ITPRID1: variants seen among roughly 807,000 people sequenced by gnomAD.
The protein encoded by ITPRID1 is protein ITPRID1.
Under a neutral mutation model 95.4 loss-of-function variants are expected in ITPRID1, and 96 were observed. The ratio of observed to expected loss-of-function variants is 1.01; its 90% confidence interval spans 0.85 to 1.19. ITPRID1 has a LOEUF of 1.19. Among genes scored for constraint, ITPRID1 ranks in the 50% most tolerant of loss-of-function variants. The pLI is 0.00. For synonymous variants in ITPRID1, 510 were observed against 453.6 expected (o/e 1.12, Z -1.58); for missense variants, 1,339 against 1,252.9 (o/e 1.07, Z -1.04).
chr7:31,653,062 A>G lies in ITPRID1; in HGVS notation c.*233A>G. The G allele has an allele frequency of 9.3e-7, 1 of 1,076,440 alleles. No homozygotes were observed. The highest frequency in any genetic ancestry group is 1.3e-6 in the Non-Finnish European group (1 of 794,152). The allele number at this position is 1,076,440 out of a possible 1,614,324, so 66.7% of individuals were successfully genotyped here. A position where few individuals can be genotyped will look rare whatever the true frequency, so the allele number is the denominator to read the frequency against. ...TGGCACAGAGTATGCAACAGTGACTAAATAGTATACGGTCTCTGCCCTGCT... is the reference window on the plus strand; with the variant it reads ...TGGCACAGAGTATGCAACAGTGACTGAATAGTATACGGTCTCTGCCCTGCT... On this transcript the variant is annotated 3_prime_UTR_variant, in exon 15 of 15. Transcript: ENST00000615280.
intron 10 of ITPRID1, among the ~76,000 whole-genome samples, chr7:31,618,039 G>C (rs377366280): frequency 6.6e-6 from 1 of 152,058 alleles, no homozygotes; most frequent in East Asian, 1.9e-4. Flanking sequence ...GGCATCCATG[G>C]GATCCTAAAG....
chr7:31,532,545 T>C (rs996692686), intron 1 of ITPRID1, among the ~76,000 whole-genome samples: 2 of 152,110 alleles, frequency 1.3e-5, no homozygotes, highest in African/African-American at 2.4e-5. Flanking sequence ...TTGTTAAGAG[T>C]TTTTGATCAT....
chr7:31,526,772 T>TTATC (rs1470549302), intron 1 of ITPRID1, among the ~76,000 whole-genome samples: 1 of 152,072 alleles, frequency 6.6e-6, no homozygotes, highest in Non-Finnish European at 1.5e-5. Context: ...AATAACTCAC[T>TTATC]TATCTACATT....
At chr7:31,606,339 A>G (rs559412207) in intron 10 of ITPRID1, among the ~76,000 whole-genome samples, 2 of 152,292 alleles carry the variant, frequency 1.3e-5, no homozygotes, top group South Asian at 4.1e-4. Context: ...TGTTTGTTCA[A>G]TGGGAGAATA....
downstream of ITPRID1, among the ~76,000 whole-genome samples, chr7:31,656,927 T>C (rs1347614463): frequency 6.6e-6 from 1 of 151,596 alleles, no homozygotes; most frequent in Non-Finnish European, 1.5e-5. Flanking sequence ...CAGTGCATGA[T>C]GAACAATGTT....
Position 31,578,003 on chromosome 7 carries a change from A to G in ITPRID1, c.739A>G (p.Lys247Glu). 6.2e-7 allele frequency: 1 copy of G among 1,613,856 alleles called. No individual in the cohort carries two copies. The highest frequency in any genetic ancestry group is 8.5e-7 in the Non-Finnish European group (1 of 1,179,858). ...GCAAAGAACCTCAGTGAGTGCCGCC[A>G]AAGAGCATCGAAGAAGAATGGGTAA... ...SVQRTSVSAAKEHRRRMGKLL... is the reference protein window; with the variant it reads ...SVQRTSVSAAEEHRRRMGKLL... Residue 247 changes from lysine (K) to glutamate (E), a missense_variant, in exon 9 of 15, where the codon AAA becomes GAA. By Grantham distance (56) the Lys-to-Glu change is moderately conservative. Coordinates refer to ENST00000615280, the MANE Select transcript of ITPRID1 (RefSeq NM_001257967.3).
Position 31,625,510 on chromosome 7 carries a change from A to G in ITPRID1, c.1229-16666A>G, listed in dbSNP as rs183622713. Among the ~76,000 whole-genome samples the G allele has an allele frequency of 2.0e-3, 305 of 152,294 alleles. 1 individual carries two copies. Among genetic ancestry groups the G allele is most frequent in the African/African-American group, 7.0e-3 (290 of 41,552 alleles). On this transcript the variant is annotated intron_variant, in intron 10 of 14. Transcript: ENST00000615280. ...AATTGGAAATCATCATTCTCAATAA[A>G]CTATTGCAAGAACAAAAAACCAGAC...
rs150228354 is a variant in ITPRID1 at position 31,553,573 on chromosome 7, A to G, written c.163+386A>G. Among the ~76,000 whole-genome samples, 71 of 152,306 alleles carry G rather than the reference A, an allele frequency of 4.7e-4. 2 individuals carry two copies. The East Asian group carries it at 7.5e-3, about 16-fold the overall frequency. ...GCAGGAGGCATTGACAAAAATTTTA[A>G]TCATTTAAAGAGTAATAAGTAAGAA... is the stretch of plus-strand genomic sequence containing the variant. On this transcript the variant is annotated intron_variant, in intron 3 of 14. Transcript: ENST00000615280.
At chr7:31,589,076 G>C (rs1259879075) in intron 10 of ITPRID1, among the ~76,000 whole-genome samples, 1 of 151,956 alleles carries the variant, frequency 6.6e-6, no homozygotes, top group African/African-American at 2.4e-5. Flanking sequence ...TATGCTGAAG[G>C]ATGTAGAGGA....
intron 12 of ITPRID1, among the ~76,000 whole-genome samples, chr7:31,650,635 C>T (rs1790864174): frequency 6.6e-6 from 1 of 152,130 alleles, no homozygotes; most frequent in Non-Finnish European, 1.5e-5. Context: ...CAGATTCCAA[C>T]CTCCAGGACT....
At chr7:31,636,731 T>C (rs1201341739) in intron 10 of ITPRID1, among the ~76,000 whole-genome samples, 1 of 151,600 alleles carries the variant, frequency 6.6e-6, no homozygotes. Context: ...TTTTTAAAAA[T>C]TTTATTATTA....
At chr7:31,562,576 G>A (rs917042849) in intron 5 of ITPRID1, among the ~76,000 whole-genome samples, 1 of 152,130 alleles carries the variant, frequency 6.6e-6, no homozygotes, top group East Asian at 1.9e-4. Flanking sequence ...CATAACAGAT[G>A]TTCCCTTACT....
intron 10 of ITPRID1, among the ~76,000 whole-genome samples, chr7:31,599,142 A>G (rs1786234410): frequency 6.6e-6 from 1 of 152,216 alleles, no homozygotes; most frequent in Non-Finnish European, 1.5e-5. Flanking sequence ...ATAGTGAAAA[A>G]CTTTTGTCAA....
At chr7:31,528,752 T>A (rs5003323) in intron 1 of ITPRID1, among the ~76,000 whole-genome samples, 88,337 of 151,992 alleles carry the variant, frequency 0.58, 26,781 homozygotes, top group Middle Eastern at 0.71. Context: ...TCCTCCCCTC[T>A]TTCCCCTCCT....
rs1046193662 is a variant in ITPRID1, at chr7:31,655,267, T to A, written c.*2438T>A. Among the ~76,000 whole-genome samples the A allele has an allele frequency of 6.6e-6, 1 of 152,198 alleles. No homozygotes were observed. Among genetic ancestry groups the A allele is most frequent in the East Asian group, 1.9e-4 (1 of 5,194 alleles). On this transcript the variant is annotated 3_prime_UTR_variant, in exon 15 of 15. Coordinates refer to ENST00000615280, the MANE Select transcript of ITPRID1 (RefSeq NM_001257967.3). ...CCTTGCTGCAGGCTCAGTGCCACAG[T>A]GTGCATGGTCTCCTGCCCCTCTACC...
chr7:31,552,409 TAATG>T (rs941575667), intron 2 of ITPRID1, among the ~76,000 whole-genome samples: 1 of 152,204 alleles, frequency 6.6e-6, no homozygotes, highest in Non-Finnish European at 1.5e-5. Context: ...TTAAGTTAAA[TAATG>T]AATGTATAGA....
intron 10 of ITPRID1, among the ~76,000 whole-genome samples, chr7:31,587,195 C>A (rs1478523075): frequency 5.3e-4 from 81 of 152,274 alleles, no homozygotes; most frequent in African/African-American, 1.8e-3. Context: ...GAGGAAGTCA[C>A]ATTGTCCCTG....
At chr7:31,519,618 C>CTATATATA (rs1436134437) in intron 1 of ITPRID1, among the ~76,000 whole-genome samples, 15 of 31,690 alleles carry the variant, frequency 4.7e-4, no homozygotes, top group Non-Finnish European at 5.5e-4. Flanking sequence ...CTCTCTCTCT[C>CTATATATA]TCTATATATA....
chr7:31,589,426 A>G (rs1295067907), intron 10 of ITPRID1, among the ~76,000 whole-genome samples: 1 of 152,190 alleles, frequency 6.6e-6, no homozygotes, highest in Admixed American at 6.5e-5. Flanking sequence ...ATTTGGAGAA[A>G]TAATGGTGGG....
Sources: gnomAD v4.1 joint callset for allele counts (sites outside exome capture counted in the v4.1 genomes callset) on GRCh38, gnomAD v4.1.1 for gene constraint, MANE v1.5 for transcripts, NCBI Gene and HGNC (gene_info 2026-07-23, HGNC 2026-07-21) for gene names.